Variants in ZMAT5 observed in about 807,000 individuals in gnomAD.
The protein encoded by ZMAT5 is zinc finger matrin-type 5, also known as zinc finger matrin-type protein 5.
ZMAT5 carries 23 observed loss-of-function variants against 28.0 expected under a neutral mutation model. The ratio of observed to expected loss-of-function variants is 0.82; its 90% CI spans 0.59 to 1.16. The LOEUF (loss-of-function observed/expected upper bound fraction) is 1.16. ZMAT5 is among the 50% of genes most tolerant of loss of function. The probability of loss-of-function intolerance (pLI) is 0.00; values close to 1 mark genes in which losing one functional copy is unlikely to be tolerated. For synonymous variants in ZMAT5, 76 were observed against 84.1 expected (o/e 0.90, Z 0.52); for missense variants, 173 against 212.7 (o/e 0.81, Z 1.16).
intron 1 of ZMAT5, among the ~76,000 whole-genome samples, chr22:29,766,330 C>A (rs1227011520): frequency 6.6e-6 from 1 of 152,196 alleles, no homozygotes; most frequent in East Asian, 1.9e-4. Context: ...TCATTCAGGT[C>A]TCTAGTCAAG....
intron 1 of ZMAT5, 149 bp downstream of exon 1, chr22:29,766,723 C>G (rs2068216709): frequency 6.6e-6 from 1 of 152,356 alleles, no homozygotes; most frequent in South Asian, 2.1e-4. Context: ...AGACTTTTGC[C>G]GCAGGCTCCA....
chr22:29,733,112 G>T (rs561086972), intron 5 of ZMAT5, among the ~76,000 whole-genome samples: 2 of 152,318 alleles, frequency 1.3e-5, no homozygotes, highest in East Asian at 1.9e-4. Context: ...TGACACCCTC[G>T]GGATGAGGCC....
rs1018897208 is a variant in ZMAT5 at position 29,731,001 on chromosome 22, C to T, written c.*224G>A. 2 of 419,332 alleles carry T rather than the reference C, an allele frequency of 4.8e-6. No individual in the cohort carries two copies. Among genetic ancestry groups the T allele is most frequent in the Non-Finnish European group, 8.3e-6 (2 of 240,792 alleles). The allele number at this position is 419,332 out of a possible 1,614,324, so 26.0% of individuals were successfully genotyped here. ...ATAAACATTTGGAAGTTTTCTCCCCCATCTTCTTAAGAAGCAGGGGGGCAG... is the reference window on the plus strand; with the variant it reads ...ATAAACATTTGGAAGTTTTCTCCCCTATCTTCTTAAGAAGCAGGGGGGCAG... On this transcript the variant is annotated 3_prime_UTR_variant, in exon 6 of 6. Coordinates refer to ENST00000344318, the MANE Select transcript of ZMAT5 (RefSeq NM_001003692.2).
chr22:29,746,282 G>C (rs1335550803), intron 2 of ZMAT5: 1 of 152,156 alleles, frequency 6.6e-6, no homozygotes, highest in Non-Finnish European at 1.5e-5. Context: ...CAAAGTAGCT[G>C]GGATTACAGG....
At chr22:29,736,949 C>T (rs12159349) in intron 5 of ZMAT5, among the ~76,000 whole-genome samples, 6 of 151,446 alleles carry the variant, frequency 4.0e-5, no homozygotes, top group African/African-American at 1.2e-4. Flanking sequence ...ATGGCGTGAA[C>T]CCCAAGAGGT....
intron 2 of ZMAT5, chr22:29,748,215 C>A: frequency 2.9e-6 from 2 of 688,696 alleles, no homozygotes; most frequent in Non-Finnish European, 5.0e-6. Flanking sequence ...TCCTCCTGTC[C>A]ACAGAGCCTT....
intron 5 of ZMAT5, among the ~76,000 whole-genome samples, chr22:29,735,523 C>T (rs2067895978): frequency 6.6e-6 from 1 of 152,276 alleles, no homozygotes; most frequent in Non-Finnish European, 1.5e-5. Context: ...CCACTACCCA[C>T]AGCCACACAG....
chr22:29,750,567 A>G (rs1450151036), intron 1 of ZMAT5, among the ~76,000 whole-genome samples: 4 of 152,244 alleles, frequency 2.6e-5, no homozygotes, highest in African/African-American at 7.2e-5. Flanking sequence ...GCTGCAAAAC[A>G]GGAGGACAGA....
At chr22:29,744,207 T>C (rs931093373) in intron 2 of ZMAT5, among the ~76,000 whole-genome samples, 4 of 152,182 alleles carry the variant, frequency 2.6e-5, no homozygotes, top group Non-Finnish European at 5.9e-5. Context: ...CACCATGTTC[T>C]CCAGGTATAC....
intron 1 of ZMAT5, among the ~76,000 whole-genome samples, chr22:29,757,542 G>A (rs952524525): frequency 6.6e-6 from 1 of 152,206 alleles, no homozygotes; most frequent in African/African-American, 2.4e-5. Flanking sequence ...CACAGTGCCT[G>A]GCACGCCAAT....
chr22:29,738,560 C>T (rs2067930166), intron 4 of ZMAT5, 119 bp from the exon 5 acceptor site: 1 of 825,254 alleles, frequency 1.2e-6, no homozygotes, highest in Non-Finnish European at 1.9e-6. Flanking sequence ...GTTGCAGCAA[C>T]CTTCCAGGAG....
intron 1 of ZMAT5, among the ~76,000 whole-genome samples, chr22:29,752,729 A>G (rs924656926): frequency 8.5e-5 from 13 of 152,302 alleles, no homozygotes; most frequent in South Asian, 4.1e-4. Flanking sequence ...AAAAATGTAA[A>G]TATTGGTCTC....
At chr22:29,742,380 G>A in intron 3 of ZMAT5, 38 bp downstream of exon 3, 1 of 1,605,144 alleles carries the variant, frequency 6.2e-7, no homozygotes, top group Non-Finnish European at 8.5e-7. Context: ...GGATATCGCA[G>A]GTCCCCGCAG....
At chr22:29,731,377 G>A in intron 5 of ZMAT5, 23 bp from the exon 6 acceptor site, 2 of 1,542,692 alleles carry the variant, frequency 1.3e-6, no homozygotes, top group Non-Finnish European at 1.7e-6. Flanking sequence ...AGAGAAGCGG[G>A]GAGAATAAGA....
chr22:29,743,096 G>T (rs1256410538), intron 2 of ZMAT5, among the ~76,000 whole-genome samples: 1 of 151,934 alleles, frequency 6.6e-6, no homozygotes, highest in African/African-American at 2.4e-5. Flanking sequence ...GCCCAGCCTG[G>T]AGGTATAATA....
At chr22:29,751,559 T>C (rs1315393517) in intron 1 of ZMAT5, among the ~76,000 whole-genome samples, 1 of 152,148 alleles carries the variant, frequency 6.6e-6, no homozygotes, top group Non-Finnish European at 1.5e-5. Flanking sequence ...GGAGGGCCTG[T>C]TATGCCTTTT....
intron 2 of ZMAT5, among the ~76,000 whole-genome samples, chr22:29,744,312 G>T (rs954062421): frequency 6.6e-6 from 1 of 151,350 alleles, no homozygotes; most frequent in African/African-American, 2.4e-5. Context: ...ACTTTGCAGA[G>T]GGGAAAACAG....
In ZMAT5 at chr22:29,738,430, C is replaced by T; in HGVS notation, c.283G>A (p.Ala95Thr). The part of the protein sequence containing the change: ...LSIQVEEERR[A>T]REWLLDAPEL... Reference sequence around the variant, plus strand: ...GGAGCATCTAGTAGCCACTCCCTGGCTCGCCTCTCCTCTGTGGGGACAGGG... The same window carrying T: ...GGAGCATCTAGTAGCCACTCCCTGGTTCGCCTCTCCTCTGTGGGGACAGGG... Residue 95 changes from alanine to threonine, a missense_variant, in exon 5 of 6, where the codon GCC becomes ACC. Physicochemically the swap from Ala to Thr is moderately conservative, Grantham distance 58 (BLOSUM62 0). Transcript: ENST00000344318. 1 of 1,610,286 alleles carries T rather than the reference C, an allele frequency of 6.2e-7. No homozygotes were observed. The highest frequency in any genetic ancestry group is 8.5e-7 in the Non-Finnish European group (1 of 1,179,842).
chr22:29,740,623 C>T (rs1208316342), intron 4 of ZMAT5, 27 bp downstream of exon 4: 1 of 1,576,114 alleles, frequency 6.3e-7, no homozygotes, highest in Non-Finnish European at 8.6e-7. Context: ...CCCACTCCCG[C>T]TTAGCCCAGG....
Sources: allele counts gnomAD v4.1 joint callset (sites outside exome capture counted in the v4.1 genomes callset), GRCh38; gene constraint gnomAD v4.1.1; transcripts MANE v1.5; gene names NCBI Gene and HGNC (gene_info 2026-07-23, HGNC 2026-07-21).